The following B3GALNT1 variants were observed in gnomAD, a reference collection of about 807,000 sequenced individuals.
B3GALNT1 encodes the protein UDP-GalNAc:beta-1,3-N-acetylgalactosaminyltransferase 1.
A neutral mutation model predicts 27.3 loss-of-function variants in B3GALNT1; 17 were observed. That is an observed-to-expected ratio of 0.62 (90% confidence interval 0.43 to 0.94). B3GALNT1 has a LOEUF of 0.94. Among genes scored for constraint, B3GALNT1 ranks in the 40% least tolerant of loss-of-function variants. The probability of loss-of-function intolerance (pLI) is 0.00; values close to 1 mark genes in which losing one functional copy is unlikely to be tolerated. For synonymous variants in B3GALNT1, 141 were observed against 144.0 expected (o/e 0.98, Z 0.15); for missense variants, 347 against 390.0 (o/e 0.89, Z 0.93).
rs866370890 is a variant in B3GALNT1 at position 161,085,904 on chromosome 3, G to A, written c.851C>T (p.Pro284Leu). ...TAGAAAGAAAAGATTTGTGTCTTCT[G>A]GAATATGAATGTTCACTTTTAATAA... ...LNLLKVNIHIPEDTNLFFLYR... is the reference protein window; with the variant it reads ...LNLLKVNIHILEDTNLFFLYR... Residue 284 changes from proline (P) to leucine (L), a missense_variant, in exon 5 of 5, where the codon CCA (proline) becomes CTA (leucine). Coordinates refer to ENST00000320474, the MANE Select transcript of B3GALNT1 (RefSeq NM_003781.4). 6.2e-7 allele frequency: 1 copy of A among 1,612,686 alleles called. No individual in the cohort carries two copies. Among genetic ancestry groups the A allele is most frequent in the Non-Finnish European group, 8.5e-7 (1 of 1,179,326 alleles).
Position 161,085,750 on chromosome 3 carries a change from A to G in B3GALNT1, c.*9T>C. On this transcript the variant is annotated 3_prime_UTR_variant, in exon 5 of 5. Transcript: ENST00000320474. ...TCCTGTCCTTCTAGGCTTTTTGTAG[A>G]ATGTGAAGTTAATAATGGCATGTGG... The G allele has an allele frequency of 6.2e-7, 1 of 1,613,900 alleles. No individual in the cohort carries two copies. The highest frequency in any genetic ancestry group is 1.3e-5 in the African/African-American group (1 of 75,040).
chr3:161,104,220 T>C (rs923272498), intron 2 of B3GALNT1, 99 bp downstream of exon 2: 1 of 942,946 alleles, frequency 1.1e-6, no homozygotes, highest in Non-Finnish European at 1.4e-6. Flanking sequence ...ACATGCATAC[T>C]AAGAGCACAA....
rs1416154431 is a variant in B3GALNT1, at chr3:161,085,868, T to C, written c.887A>G (p.His296Arg). 1 of 1,613,974 alleles carries C rather than the reference T, an allele frequency of 6.2e-7. No homozygotes were observed. Among genetic ancestry groups the C allele is most frequent in the Non-Finnish European group, 8.5e-7 (1 of 1,179,994 alleles). The change falls in exon 5 of 5, where the codon CAT becomes CGT. Residue 296 changes from histidine to arginine, a missense_variant. Coordinates refer to ENST00000320474, the MANE Select transcript of B3GALNT1 (RefSeq NM_003781.4). Reference protein sequence around the residue: ...DTNLFFLYRIHLDVCQLRRVI... With the variant: ...DTNLFFLYRIRLDVCQLRRVI... ...ACGTCTCAGTTGACAGACATCCAAA[T>C]GGATTCTATATAGAAAGAAAAGATT...
At chr3:161,087,802 T>C (rs1252618415) in intron 4 of B3GALNT1, among the ~76,000 whole-genome samples, 1 of 152,130 alleles carries the variant, frequency 6.6e-6, no homozygotes, top group African/African-American at 2.4e-5. Context: ...TGTATGTATA[T>C]TTACTGGACA....
chr3:161,089,616 C>CACA (rs1348483901), intron 4 of B3GALNT1, among the ~76,000 whole-genome samples: 1 of 151,850 alleles, frequency 6.6e-6, no homozygotes, highest in African/African-American at 2.4e-5. Context: ...AAATAGAAGA[C>CACA]ACAAATTAAG....
chr3:161,097,230 G>T (rs2108383956), intron 4 of B3GALNT1, among the ~76,000 whole-genome samples: 1 of 152,256 alleles, frequency 6.6e-6, no homozygotes, highest in East Asian at 1.9e-4. Flanking sequence ...CTTCTTTGCG[G>T]GTTTATTGCC....
intron 4 of B3GALNT1, among the ~76,000 whole-genome samples, chr3:161,091,760 T>C (rs972974961): frequency 3.9e-5 from 6 of 152,198 alleles, no homozygotes; most frequent in South Asian, 2.1e-4. Context: ...GGTACTATCA[T>C]GGTTTCAGGC....
intron 4 of B3GALNT1, among the ~76,000 whole-genome samples, chr3:161,096,423 C>A (rs1576724606): frequency 6.6e-6 from 1 of 152,214 alleles, no homozygotes; most frequent in East Asian, 1.9e-4. Flanking sequence ...AAACTACTGT[C>A]AGTTTTGCAA....
At chr3:161,098,732 A>T (rs534760771) in intron 4 of B3GALNT1, among the ~76,000 whole-genome samples, 1 of 152,220 alleles carries the variant, frequency 6.6e-6, no homozygotes, top group Non-Finnish European at 1.5e-5. Flanking sequence ...AAATTCCTGA[A>T]GGGACTAATG....
At position 161,104,389 on chromosome 3, in the gene B3GALNT1, CT is replaced by C; in HGVS notation, c.-292del. On this transcript the variant is annotated 5_prime_UTR_variant, in exon 2 of 5. Coordinates refer to ENST00000320474, the MANE Select transcript of B3GALNT1 (RefSeq NM_003781.4). ...ATAGCTTTTCCCACAACGCAGCCAC[CT>C]CCTAAACGCAGGCAATCTGTGCAAA... is the stretch of plus-strand genomic sequence containing the variant. The C allele has an allele frequency of 7.8e-7, 1 of 1,284,732 alleles. No individual in the cohort carries two copies. Among genetic ancestry groups the C allele is most frequent in the Non-Finnish European group, 1.0e-6 (1 of 986,204 alleles). The allele number at this position is 1,284,732 out of a possible 1,614,324, so 79.6% of individuals were successfully genotyped here. A position where few individuals can be genotyped will look rare whatever the true frequency, so the allele number is the denominator to read the frequency against.
At chr3:161,101,350 G>C in intron 3 of B3GALNT1, 117 bp from the exon 4 acceptor site, 2 of 496,348 alleles carry the variant, frequency 4.0e-6, no homozygotes, top group Non-Finnish European at 7.2e-6. Context: ...GAAGAGTATC[G>C]GGGAGCTGCT....
chr3:161,104,270 C>T (rs1465394564), intron 2 of B3GALNT1, 49 bp downstream of exon 2: 1 of 1,273,782 alleles, frequency 7.9e-7, no homozygotes, highest in Non-Finnish European at 1.0e-6. Flanking sequence ...CTGGGAGAAG[C>T]TAAAAAACTT....
At chr3:161,099,241 A>T (rs570442723) in intron 4 of B3GALNT1, among the ~76,000 whole-genome samples, 12 of 152,236 alleles carry the variant, frequency 7.9e-5, no homozygotes, top group African/African-American at 2.7e-4. Flanking sequence ...TTCTCATTTC[A>T]TATTTCTAAT....
At chr3:161,101,449 GCTTTA>G (rs1731211014) in intron 3 of B3GALNT1, among the ~76,000 whole-genome samples, 1 of 152,122 alleles carries the variant, frequency 6.6e-6, no homozygotes, top group African/African-American at 2.4e-5. Context: ...AATTACCTTT[GCTTTA>G]GTCATCTGAG....
chr3:161,090,939 C>G (rs1316190474), intron 4 of B3GALNT1, among the ~76,000 whole-genome samples: 1 of 152,124 alleles, frequency 6.6e-6, no homozygotes, highest in Non-Finnish European at 1.5e-5. Flanking sequence ...GCAAATAGCT[C>G]TAATTGAAGA....
chr3:161,101,109 G>A, intron 4 of B3GALNT1, 30 bp downstream of exon 4: 1 of 1,279,860 alleles, frequency 7.8e-7, no homozygotes, highest in Non-Finnish European at 1.0e-6. Context: ...CCTGGGCAGG[G>A]AGCAAAGAAT....
In B3GALNT1 at chr3:161,089,296, C is replaced by T. The variant is rs188591874; in HGVS notation, c.-34-2508G>A. Among the ~76,000 whole-genome samples, 836 of 152,206 alleles carry T rather than the reference C, an allele frequency of 5.5e-3. 10 individuals carry two copies. Among genetic ancestry groups the T allele is most frequent in the Non-Finnish European group, 6.5e-3 (445 of 68,012 alleles). On this transcript the variant is annotated intron_variant, in intron 4 of 4. Transcript: ENST00000320474. Reference sequence around the variant, plus strand: ...TGTGGTTCTACCCTTGGCATCATTTCCATTCTATTTGTGTTCTCTAAAATG... The same window carrying T: ...TGTGGTTCTACCCTTGGCATCATTTTCATTCTATTTGTGTTCTCTAAAATG...
intron 3 of B3GALNT1, among the ~76,000 whole-genome samples, chr3:161,101,855 A>G (rs1237349789): frequency 6.6e-6 from 1 of 152,238 alleles, no homozygotes; most frequent in Non-Finnish European, 1.5e-5. Context: ...TCTCAACGAC[A>G]AAGTCTGTAA....
intron 4 of B3GALNT1, among the ~76,000 whole-genome samples, chr3:161,099,279 T>C (rs1729890783): frequency 6.6e-6 from 1 of 151,902 alleles, no homozygotes; most frequent in East Asian, 1.9e-4. Flanking sequence ...TTCAATTTTG[T>C]AGGCAGGAAA....
Sources: gnomAD v4.1 joint callset for allele counts (sites outside exome capture counted in the v4.1 genomes callset) on GRCh38, gnomAD v4.1.1 for gene constraint, MANE v1.5 for transcripts, NCBI Gene and HGNC (gene_info 2026-07-23, HGNC 2026-07-21) for gene names.